Variants in SHANK2 observed in about 807,000 individuals in gnomAD.
SHANK2 encodes the protein SH3 and multiple ankyrin repeat domains protein 2.
Under a neutral mutation model 133.7 loss-of-function variants are expected in SHANK2, and 43 were observed. That is an observed-to-expected ratio of 0.32 (90% CI 0.25 to 0.41). SHANK2 has a LOEUF of 0.41. SHANK2 is among the 10% of genes least tolerant of loss of function. The pLI is 1.00. For synonymous variants in SHANK2, 1,017 were observed against 952.8 expected (o/e 1.07, Z -1.24); for missense variants, 1,994 against 2,235.8 (o/e 0.89, Z 2.18).
intron 25 of SHANK2, chr11:70,474,820 T>A (rs1239369169): frequency 6.6e-6 from 1 of 152,306 alleles, no homozygotes; most frequent in Non-Finnish European, 1.5e-5. Flanking sequence ...GCCCTGGCTC[T>A]GTCAGATGCC....
intron 17 of SHANK2, among the ~76,000 whole-genome samples, chr11:70,571,802 G>C (rs2060048939): frequency 6.6e-6 from 1 of 152,072 alleles, no homozygotes; most frequent in Admixed American, 6.6e-5. Context: ...GCATCAGGGG[G>C]CCCCAAGGAG....
intron 21 of SHANK2, among the ~76,000 whole-genome samples, chr11:70,494,692 C>A (rs1197774785): frequency 6.6e-6 from 1 of 152,212 alleles, no homozygotes; most frequent in Non-Finnish European, 1.5e-5. Flanking sequence ...TACCATGGGG[C>A]CCTTCAGGGA....
chr11:70,789,681 G>A (rs1555047499), intron 14 of SHANK2, among the ~76,000 whole-genome samples: 2 of 152,176 alleles, frequency 1.3e-5, no homozygotes, highest in Non-Finnish European at 2.9e-5. Flanking sequence ...ATCTGGGTAG[G>A]TGCCCAGGAG....
At chr11:70,560,625 CTTTTTTTCGTTTGT>C (rs1565130968) in intron 17 of SHANK2, among the ~76,000 whole-genome samples, 1 of 150,070 alleles carries the variant, frequency 6.7e-6, no homozygotes, top group East Asian at 2.0e-4. Flanking sequence ...GATTCCAAGA[CTTTTTTTCGTTTGT>C]TTTTTTTTTT....
chr11:70,627,889 TG>T (rs2060925501), intron 17 of SHANK2, among the ~76,000 whole-genome samples: 1 of 152,238 alleles, frequency 6.6e-6, no homozygotes, highest in Non-Finnish European at 1.5e-5. Context: ...GATTTTTAGA[TG>T]AGCTCAACCT....
chr11:70,876,624 T>C (rs507510), intron 11 of SHANK2, among the ~76,000 whole-genome samples: 140,774 of 149,734 alleles, frequency 0.94, 65,991 homozygotes, highest in East Asian at 1. Flanking sequence ...CACACACACA[T>C]GCATACACAT....
At chr11:71,245,589 G>A (rs781976227) in intron 1 of SHANK2, among the ~76,000 whole-genome samples, 9 of 152,218 alleles carry the variant, frequency 5.9e-5, no homozygotes, top group East Asian at 1.9e-4. Flanking sequence ...TCTGGAGGCC[G>A]GGGAAGCGAC....
chr11:70,863,918 G>A (rs371603843), intron 11 of SHANK2: 121 of 446,988 alleles, frequency 2.7e-4, no homozygotes, highest in African/African-American at 1.8e-3. Context: ...AATCACAGGC[G>A]TCCGCCCCCA....
At chr11:70,575,649 T>C (rs568459875) in intron 17 of SHANK2, among the ~76,000 whole-genome samples, 9 of 150,494 alleles carry the variant, frequency 6.0e-5, no homozygotes, top group Non-Finnish European at 8.9e-5. Context: ...TGTTTCCACA[T>C]GTGTTTTGCA....
intron 11 of SHANK2, among the ~76,000 whole-genome samples, chr11:70,847,361 G>A (rs1555063773): frequency 6.6e-6 from 1 of 152,168 alleles, no homozygotes; most frequent in African/African-American, 2.4e-5. Flanking sequence ...TGTCTCACAG[G>A]GTGGTGACGG....
chr11:70,614,856 C>A (rs1309512217), intron 17 of SHANK2, among the ~76,000 whole-genome samples: 1 of 152,244 alleles, frequency 6.6e-6, no homozygotes, highest in Non-Finnish European at 1.5e-5. Context: ...ACTAACTTAA[C>A]AACACGGGAG....
intron 9 of SHANK2, among the ~76,000 whole-genome samples, chr11:71,072,148 C>A (rs1449746650): frequency 2.6e-5 from 4 of 152,100 alleles, no homozygotes; most frequent in Non-Finnish European, 2.9e-5. Context: ...AGAGAAACAG[C>A]CCCCTGTCCT....
At chr11:71,177,004 TAAG>T (rs1953459649) in intron 2 of SHANK2, among the ~76,000 whole-genome samples, 1 of 152,158 alleles carries the variant, frequency 6.6e-6, no homozygotes, top group African/African-American at 2.4e-5. Flanking sequence ...AAAACAAACT[TAAG>T]AATGACAGCA....
chr11:70,697,390 A>G (rs1271688551), intron 15 of SHANK2, among the ~76,000 whole-genome samples: 1 of 152,236 alleles, frequency 6.6e-6, no homozygotes, highest in Non-Finnish European at 1.5e-5. Context: ...AAGAGGCCAG[A>G]CATGAAAGAT....
At chr11:70,749,629 T>C (rs1255095897) in intron 14 of SHANK2, among the ~76,000 whole-genome samples, 5 of 152,196 alleles carry the variant, frequency 3.3e-5, no homozygotes, top group Admixed American at 2.0e-4. Context: ...CTATTGTAAC[T>C]ATTTCAACAA....
At chr11:70,831,230 C>A (rs1459860412) in intron 11 of SHANK2, among the ~76,000 whole-genome samples, 1 of 152,024 alleles carries the variant, frequency 6.6e-6, no homozygotes, top group Non-Finnish European at 1.5e-5. Flanking sequence ...CTGTTTGTTG[C>A]CTGCCCGCAC....
chr11:71,209,077 C>T (rs1555118472), intron 2 of SHANK2, among the ~76,000 whole-genome samples: 2 of 152,160 alleles, frequency 1.3e-5, no homozygotes, highest in African/African-American at 4.8e-5. Flanking sequence ...GAGTCTAAGC[C>T]ACTGTGCTTC....
chr11:70,886,406 G>A (rs1949747526), intron 11 of SHANK2, among the ~76,000 whole-genome samples: 2 of 152,132 alleles, frequency 1.3e-5, no homozygotes, highest in South Asian at 4.2e-4. Flanking sequence ...TCAATAACGG[G>A]GACCCCGACC....
intron 15 of SHANK2, among the ~76,000 whole-genome samples, chr11:70,683,896 G>A (rs1435611122): frequency 6.6e-6 from 1 of 151,780 alleles, no homozygotes; most frequent in Admixed American, 6.6e-5. Context: ...CGATTCTCGT[G>A]CCTCAGCCTC....
Sources: allele counts gnomAD v4.1 joint callset (sites outside exome capture counted in the v4.1 genomes callset), GRCh38; gene constraint gnomAD v4.1.1; transcripts MANE v1.5; gene names NCBI Gene and HGNC (gene_info 2026-07-23, HGNC 2026-07-21).